Variants in DSCAM observed in about 807,000 individuals in gnomAD.
DSCAM encodes the protein cell adhesion molecule DSCAM.
In DSCAM, 47 loss-of-function variants were observed where a neutral mutation model predicts 217.7. The ratio of observed to expected loss-of-function variants is 0.22; its 90% CI spans 0.17 to 0.28. DSCAM has a LOEUF of 0.28. DSCAM is among the 10% of genes least tolerant of loss of function. The pLI, the probability that DSCAM is intolerant of heterozygous loss-of-function variation, is 1.00. For synonymous variants in DSCAM, 1,056 were observed against 1,015.3 expected (o/e 1.04, Z -0.76); for missense variants, 2,080 against 2,618.3 (o/e 0.79, Z 4.49).
At position 40,167,256 on chromosome 21, in the gene DSCAM, C is replaced by T; in HGVS notation, c.2980G>A (p.Glu994Lys). The T allele has an allele frequency of 1.2e-6, 2 of 1,613,876 alleles. No homozygotes were observed. Among genetic ancestry groups the T allele is most frequent in the African/African-American group, 1.3e-5 (1 of 74,958 alleles). ...PDGPPQEVHL[E>K]PISSQSIRVT... ...CTGATGCTCTGAGATGATATAGGCTCCAGGTGAACTTCCTGAGGTGGACCA... is the reference window on the plus strand; with the variant it reads ...CTGATGCTCTGAGATGATATAGGCTTCAGGTGAACTTCCTGAGGTGGACCA... The change falls in exon 16 of 33, where the codon GAG becomes AAG. Residue 994 changes from glutamate to lysine, a missense_variant. Glu to Lys is a moderately conservative substitution (Grantham distance 56, BLOSUM62 1). Around this residue, in one of 5 missense-constraint regions of DSCAM, gnomAD observed 1,144 missense variants for 1,421.1 expected, o/e 0.81. Transcript: ENST00000400454.
chr21:40,047,361 G>A (rs1400115787), intron 30 of DSCAM, among the ~76,000 whole-genome samples: 2 of 152,124 alleles, frequency 1.3e-5, no homozygotes, highest in Non-Finnish European at 2.9e-5. Context: ...GGGATTTACT[G>A]CTCCTTCATG....
At chr21:40,514,811 C>T (rs1163426203) in intron 3 of DSCAM, among the ~76,000 whole-genome samples, 1 of 152,058 alleles carries the variant, frequency 6.6e-6, no homozygotes. Flanking sequence ...TTATCAAATC[C>T]CACATATTCC....
At chr21:40,348,113 C>A (rs1335990616) in intron 5 of DSCAM, among the ~76,000 whole-genome samples, 168 bp from the exon 6 acceptor site, 1 of 151,786 alleles carries the variant, frequency 6.6e-6, no homozygotes, top group African/African-American at 2.4e-5. Context: ...CCATCAGCCA[C>A]ATTATTGCAA....
At chr21:40,626,869 G>A (rs1029447718) in intron 3 of DSCAM, among the ~76,000 whole-genome samples, 1 of 152,124 alleles carries the variant, frequency 6.6e-6, no homozygotes, top group Non-Finnish European at 1.5e-5. Context: ...TTCTCAATGG[G>A]GTCAAAACAA....
intron 3 of DSCAM, among the ~76,000 whole-genome samples, chr21:40,482,473 T>C (rs897936451): frequency 5.3e-5 from 8 of 152,228 alleles, no homozygotes; most frequent in African/African-American, 1.7e-4. Context: ...TTTTTTAATA[T>C]AGAGAATTTT....
At position 40,547,956 on chromosome 21, in the gene DSCAM, G is replaced by A. The variant is rs183216946; in HGVS notation, c.508+144854C>T. Among the ~76,000 whole-genome samples, 461 of 152,284 alleles carry A rather than the reference G, an allele frequency of 3.0e-3. 1 individual carries two copies. Among genetic ancestry groups the A allele is most frequent in the South Asian group, 9.7e-3 (47 of 4,822 alleles). On this transcript the variant is annotated intron_variant, in intron 3 of 32. Transcript: ENST00000400454. ...CCCAAATTGGGGAGGGATTCCTCGC[G>A]TGGCATCAGTAAGGGGCGCTCAGCA...
At chr21:40,165,127 G>A (rs2090580332) in intron 16 of DSCAM, among the ~76,000 whole-genome samples, 1 of 152,182 alleles carries the variant, frequency 6.6e-6, no homozygotes. Flanking sequence ...TGTCCACCGT[G>A]GCTGACAGAT....
Position 40,293,041 on chromosome 21 carries a change from C to T in DSCAM, c.2182+3014G>A, listed in dbSNP as rs141598373. Among the ~76,000 whole-genome samples, 736 of 152,182 alleles carry T rather than the reference C, an allele frequency of 4.8e-3. 2 individuals are homozygous for T. Among genetic ancestry groups the T allele is most frequent in the Non-Finnish European group, 8.5e-3 (581 of 68,002 alleles). ...GTGAGCCACTGCACTTGGCCCATTA[C>T]GATATTTTTCTAAAAGAAAAACTGG... On this transcript the variant is annotated intron_variant, in intron 10 of 32. Coordinates refer to ENST00000400454, the MANE Select transcript of DSCAM (RefSeq NM_001389.5).
rs750989668 is a variant in DSCAM, at chr21:40,013,213, C to A, written c.5860G>T (p.Ala1954Ser). Residue 1954 changes from alanine (A) to serine (S), a missense_variant, in exon 33 of 33, where the codon GCC (alanine) becomes TCC (serine). By Grantham distance (99) the Ala-to-Ser change is moderately conservative. Transcript: ENST00000400454. ...GACTGTCCTTCTCTCGTGGAGGAGG[C>A]GGAGGAGGCGGCTTCCATCGGGATG... ...EPIPMEAASS[A>S]SSTREGQSWQ... The A allele has an allele frequency of 1.9e-6, 3 of 1,613,430 alleles. No homozygotes were observed. The Admixed American group carries it at 5.0e-5, about 27-fold the overall frequency.
intron 3 of DSCAM, among the ~76,000 whole-genome samples, chr21:40,579,993 G>A (rs1011028926): frequency 1.2e-4 from 18 of 151,958 alleles, no homozygotes; most frequent in Non-Finnish European, 2.5e-4. Context: ...CGTGCTACAC[G>A]GATCTTCACT....
chr21:40,338,989 A>G, intron 7 of DSCAM, 130 bp downstream of exon 7: 1 of 1,157,386 alleles, frequency 8.6e-7, no homozygotes, highest in Non-Finnish European at 1.2e-6. Context: ...TAGGAAGGAG[A>G]GGGTAGGAAA....
At chr21:40,756,964 C>T (rs2091282544) in intron 1 of DSCAM, among the ~76,000 whole-genome samples, 1 of 147,200 alleles carries the variant, frequency 6.8e-6, no homozygotes, top group Admixed American at 6.9e-5. Flanking sequence ...GAAAGATTGC[C>T]CAACAAATGG....
chr21:40,593,536 C>T (rs462115), intron 3 of DSCAM, among the ~76,000 whole-genome samples: 93,449 of 151,876 alleles, frequency 0.62, 29,026 homozygotes, highest in Admixed American at 0.65. Flanking sequence ...ACCATCTTTA[C>T]TGGTGAAACC....
intron 3 of DSCAM, among the ~76,000 whole-genome samples, chr21:40,369,470 GGTTTTTA>G (rs2074872571): frequency 6.7e-6 from 1 of 150,114 alleles, no homozygotes; most frequent in Non-Finnish European, 1.5e-5. Flanking sequence ...CTACATTAAG[GGTTTTTA>G]GTCCTTATGC....
intron 1 of DSCAM, among the ~76,000 whole-genome samples, chr21:40,767,944 G>A (rs1378435162): frequency 1.3e-5 from 2 of 151,940 alleles, no homozygotes; most frequent in Non-Finnish European, 2.9e-5. Flanking sequence ...TTCACTATGA[G>A]ATATACAGCA....
chr21:40,364,445 G>A lies in DSCAM; in HGVS notation c.655+4654C>T, dbSNP rs1343523117. 7.2e-4 allele frequency among the ~76,000 whole-genome samples: 107 copies of A among 148,992 alleles called. 2 individuals carry two copies. The highest frequency in any genetic ancestry group is 2.4e-3 in the African/African-American group (96 of 40,574). ...TCGCAAGGACAAAAAACCAAACACC[G>A]CATGTTCTCACTCATAGGTGGGAAT... On this transcript the variant is annotated intron_variant, in intron 4 of 32. Coordinates refer to ENST00000400454, the MANE Select transcript of DSCAM (RefSeq NM_001389.5).
chr21:40,820,864 C>T (rs966385618), intron 1 of DSCAM, among the ~76,000 whole-genome samples: 2 of 151,916 alleles, frequency 1.3e-5, no homozygotes, highest in African/African-American at 4.8e-5. Context: ...GCAATAACTT[C>T]TCTAGAGCAC....
At chr21:40,467,930 C>CACAA (rs775510376) in intron 3 of DSCAM, among the ~76,000 whole-genome samples, 5 of 84,388 alleles carry the variant, frequency 5.9e-5, no homozygotes, top group South Asian at 4.4e-4. Context: ...AAAGATTAAC[C>CACAA]AAAAAAAAAA....
chr21:40,141,800 A>G (rs2090294017), intron 18 of DSCAM, among the ~76,000 whole-genome samples: 1 of 152,120 alleles, frequency 6.6e-6, no homozygotes, highest in African/African-American at 2.4e-5. Context: ...GCTCTGCCCC[A>G]GCACACTCAC....
Sources: gnomAD v4.1 joint callset for allele counts (sites outside exome capture counted in the v4.1 genomes callset) on GRCh38, gnomAD v4.1.1 for gene constraint, gnomAD v4.1.1 regional missense constraint, MANE v1.5 for transcripts, NCBI Gene and HGNC (gene_info 2026-07-23, HGNC 2026-07-21) for gene names.